The following HPCAL1 variants were observed in gnomAD, a reference collection of about 807,000 sequenced individuals.
HPCAL1 encodes the protein hippocalcin like 1, also known as hippocalcin-like protein 1.
In HPCAL1, 8 loss-of-function variants were observed where a neutral mutation model predicts 17.1. The observed-to-expected ratio is 0.47, with a 90% CI of 0.27 to 0.84. The LOEUF (loss-of-function observed/expected upper bound fraction) is 0.84. HPCAL1 is among the 40% of genes least tolerant of loss of function. HPCAL1 has a pLI of 0.13. For missense variants in HPCAL1, 165 were observed against 271.1 expected (o/e 0.61, Z 2.75); for synonymous variants, 112 against 111.4 (o/e 1.01, Z -0.03).
At chr2:10,368,511 T>C (rs557212672) in intron 1 of HPCAL1, among the ~76,000 whole-genome samples, 1 of 152,342 alleles carries the variant, frequency 6.6e-6, no homozygotes, top group East Asian at 1.9e-4. Flanking sequence ...AAGTCAAGCC[T>C]GCTTTGGGAG....
chr2:10,391,857 C>T (rs1443305341), intron 1 of HPCAL1, among the ~76,000 whole-genome samples: 1 of 152,062 alleles, frequency 6.6e-6, no homozygotes, highest in African/African-American at 2.4e-5. Flanking sequence ...TTAAGCAGTT[C>T]TCTGCCTCAG....
intron 2 of HPCAL1, among the ~76,000 whole-genome samples, chr2:10,399,271 C>CCACCACCACCACCAT (rs1572816035): frequency 1.1e-5 from 1 of 87,886 alleles, no homozygotes; most frequent in East Asian, 3.4e-4. Flanking sequence ...ATCACCACCA[C>CCACCACCACCACCAT]CACCACCATC....
intron 2 of HPCAL1, among the ~76,000 whole-genome samples, chr2:10,403,452 TTTTGTGTG>T (rs1239248806): frequency 0.034 from 4,931 of 144,330 alleles, 256 homozygotes; most frequent in African/African-American, 0.091. Context: ...CAAAGAGTTC[TTTTGTGTG>T]TGTGTGTGTG....
Position 10,365,978 on chromosome 2 carries a change from C to T in HPCAL1, c.-110-30857C>T, listed in dbSNP as rs531668107. ...GGAGACGCTCACTCCCCCAGACACA[C>T]TGAGTACTCTTTCCTCAAGCTCAGT... On this transcript the variant is annotated intron_variant, in intron 1 of 4. Coordinates refer to ENST00000307845, the MANE Select transcript of HPCAL1 (RefSeq NM_002149.4). This position sits in a 1 kb window ranked among gnomAD's most constrained non-coding sequence, Gnocchi z 4.8. 7.2e-5 allele frequency among the ~76,000 whole-genome samples: 11 copies of T among 152,328 alleles called. No homozygotes were observed. The highest frequency in any genetic ancestry group is 2.6e-4 in the Admixed American group (4 of 15,310).
At chr2:10,338,296 T>C (rs1558628) in intron 1 of HPCAL1, among the ~76,000 whole-genome samples, 32,671 of 151,878 alleles carry the variant, frequency 0.22, 4,489 homozygotes, top group African/African-American at 0.39. Flanking sequence ...AAACTGAAAA[T>C]CACTGAATCG....
At chr2:10,327,704 C>T (rs1664102610) in intron 1 of HPCAL1, among the ~76,000 whole-genome samples, 1 of 151,950 alleles carries the variant, frequency 6.6e-6, no homozygotes, top group Non-Finnish European at 1.5e-5. Flanking sequence ...TTTCCATAGT[C>T]ATCTGTGGGT....
chr2:10,375,011 G>T (rs932126045), intron 1 of HPCAL1, among the ~76,000 whole-genome samples: 3 of 152,156 alleles, frequency 2.0e-5, no homozygotes, highest in Non-Finnish European at 4.4e-5. Flanking sequence ...AGTAGGCCTT[G>T]GCAGAGAGCT....
chr2:10,420,532 T>C (rs1670998932), intron 3 of HPCAL1, among the ~76,000 whole-genome samples: 2 of 151,772 alleles, frequency 1.3e-5, no homozygotes, highest in South Asian at 4.2e-4. Context: ...CATTGGGTCT[T>C]TCTTGGCCAG....
intron 1 of HPCAL1, among the ~76,000 whole-genome samples, chr2:10,345,868 C>A (rs1665405524): frequency 6.6e-6 from 1 of 152,176 alleles, no homozygotes; most frequent in Non-Finnish European, 1.5e-5. Flanking sequence ...ATTTATGACG[C>A]CCCTCCCCCA....
intron 1 of HPCAL1, among the ~76,000 whole-genome samples, chr2:10,387,357 C>T (rs1668385000): frequency 6.6e-6 from 1 of 152,248 alleles, no homozygotes; most frequent in South Asian, 2.1e-4. Flanking sequence ...TGCGGTGACG[C>T]ACTGGGGACT....
intron 1 of HPCAL1, among the ~76,000 whole-genome samples, chr2:10,306,224 C>T (rs966766326): frequency 6.6e-6 from 1 of 152,050 alleles, no homozygotes; most frequent in African/African-American, 2.4e-5. Context: ...AGCCCTAAAC[C>T]GTGCTTGTTC....
intron 1 of HPCAL1, among the ~76,000 whole-genome samples, chr2:10,335,158 C>T (rs967747924): frequency 2.6e-5 from 4 of 152,222 alleles, no homozygotes; most frequent in African/African-American, 4.8e-5. Context: ...TAATCCCTTC[C>T]CTCGGGTGTT....
chr2:10,359,602 C>T lies in HPCAL1; in HGVS notation c.-110-37233C>T, dbSNP rs372685647. On this transcript the variant is annotated intron_variant, in intron 1 of 4. Coordinates refer to ENST00000307845, the MANE Select transcript of HPCAL1 (RefSeq NM_002149.4). This position sits in a 1 kb window ranked among gnomAD's most constrained non-coding sequence, Gnocchi z 4.1. ...TCAGGGCTCTGGCCTCATTGAGGGC[C>T]TGGAACTCTTTAGAGCCCATCAGGA... Among the ~76,000 whole-genome samples the T allele has an allele frequency of 5.9e-5, 9 of 152,306 alleles. No individual in the cohort carries two copies. The highest frequency in any genetic ancestry group is 2.2e-4 in the African/African-American group (9 of 41,576).
At chr2:10,397,808 C>A (rs922229435) in intron 2 of HPCAL1, among the ~76,000 whole-genome samples, 2 of 152,196 alleles carry the variant, frequency 1.3e-5, no homozygotes, top group African/African-American at 2.4e-5. Flanking sequence ...GTGGGGCTGC[C>A]CTTCCAGCGT....
At chr2:10,346,825 C>T (rs919279832) in intron 1 of HPCAL1, among the ~76,000 whole-genome samples, 11 of 152,008 alleles carry the variant, frequency 7.2e-5, no homozygotes, top group East Asian at 1.9e-4. Flanking sequence ...CCACTGCTCC[C>T]TCCCCAGCAC....
intron 1 of HPCAL1, among the ~76,000 whole-genome samples, chr2:10,336,220 C>T (rs536196154): frequency 3.3e-5 from 5 of 152,298 alleles, no homozygotes; most frequent in East Asian, 3.9e-4. Flanking sequence ...ATTGCATGTG[C>T]GTATCCTCTG....
rs1668983264 is a variant in HPCAL1 at position 10,395,769 on chromosome 2, G to T, written c.-110-1066G>T. 6.6e-6 allele frequency among the ~76,000 whole-genome samples: 1 copy of T among 152,130 alleles called. No homozygotes were observed. Among genetic ancestry groups the T allele is most frequent in the South Asian group, 2.1e-4 (1 of 4,824 alleles). On this transcript the variant is annotated intron_variant, in intron 1 of 4. Coordinates refer to ENST00000307845, the MANE Select transcript of HPCAL1 (RefSeq NM_002149.4). This position sits in a 1 kb window ranked among gnomAD's most constrained non-coding sequence, Gnocchi z 4.4. ...AGACACATGATCTTGCAGGTAATTA[G>T]CTCCTGTAAGCCTCCATTTTTCCCC...
At chr2:10,385,432 A>G (rs1191699444) in intron 1 of HPCAL1, among the ~76,000 whole-genome samples, 2 of 151,872 alleles carry the variant, frequency 1.3e-5, no homozygotes, top group African/African-American at 4.8e-5. Flanking sequence ...CACCTGCTCC[A>G]GGCTTGCTTC....
Position 10,394,763 on chromosome 2 carries a change from A to G in HPCAL1, c.-110-2072A>G, listed in dbSNP as rs915527540. On this transcript the variant is annotated intron_variant, in intron 1 of 4. Coordinates refer to ENST00000307845, the MANE Select transcript of HPCAL1 (RefSeq NM_002149.4). This position sits in a 1 kb window ranked among gnomAD's most constrained non-coding sequence, Gnocchi z 5.0. ...GGGGTGTGTGGGAACTTTCTGCTCA[A>G]TTTTGTTGGGAAGACCTAAAAAATA... 5.9e-5 allele frequency among the ~76,000 whole-genome samples: 9 copies of G among 151,938 alleles called. No homozygotes were observed. Among genetic ancestry groups the G allele is most frequent in the Non-Finnish European group, 8.8e-5 (6 of 67,964 alleles).
Sources: gnomAD v4.1 joint callset for allele counts (sites outside exome capture counted in the v4.1 genomes callset) on GRCh38, gnomAD v4.1.1 for gene constraint, Gnocchi (gnomAD v3.1) non-coding constraint, MANE v1.5 for transcripts, NCBI Gene and HGNC (gene_info 2026-07-23, HGNC 2026-07-21) for gene names.